Variants in EDNRB observed in about 807,000 individuals in gnomAD.
EDNRB encodes the protein endothelin receptor type B.
Under a neutral mutation model 46.4 loss-of-function variants are expected in EDNRB, and 18 were observed. The observed-to-expected ratio is 0.39, with a 90% CI of 0.27 to 0.57. The LOEUF is 0.57. Ranked by LOEUF, EDNRB falls within the 20% of genes least tolerant of loss-of-function variation. The pLI is 0.61. For synonymous variants in EDNRB, 213 were observed against 204.9 expected, an observed-to-expected ratio of 1.04 and a Z score of -0.34; for missense variants, 434 against 537.5, an observed-to-expected ratio of 0.81 and a Z score of 1.90.
chr13:77,909,058 C>A (rs1879436886), intron 1 of EDNRB, among the ~76,000 whole-genome samples: 1 of 151,860 alleles, frequency 6.6e-6, no homozygotes, highest in South Asian at 2.1e-4. Flanking sequence ...ACCCATTTTA[C>A]CCTAAGGCTT....
Position 77,899,933 on chromosome 13 carries a change from T to C in EDNRB, c.1120A>G (p.Met374Val). 1 of 1,611,958 alleles carries C rather than the reference T, an allele frequency of 6.2e-7. No homozygotes were observed. Among genetic ancestry groups the C allele is most frequent in the Non-Finnish European group, 8.5e-7 (1 of 1,178,722 alleles). Reference protein sequence around the residue: ...LLVLDYIGINMASLNSCINPI... With the variant: ...LLVLDYIGINVASLNSCINPI... ...TTAATGCAGGAATTCAGTGAAGCCA[T>C]GTTGATACCAATATAGTCCAATACC... Residue 374 changes from methionine to valine, a missense_variant, in exon 6 of 7, where the codon ATG (methionine) becomes GTG (valine). Coordinates refer to ENST00000646607, the MANE Select transcript of EDNRB (RefSeq NM_001122659.3).
chr13:77,938,501 AC>A (rs1594385871), intron 1 of EDNRB, among the ~76,000 whole-genome samples: 1 of 151,634 alleles, frequency 6.6e-6, no homozygotes, highest in Non-Finnish European at 1.5e-5. Flanking sequence ...GGGGGTTCTT[AC>A]CCCCCAGAAA....
intron 1 of EDNRB, chr13:77,947,621 A>G (rs1302319784): frequency 6.6e-6 from 1 of 151,924 alleles, no homozygotes; most frequent in Non-Finnish European, 1.5e-5. Flanking sequence ...TCCTTAGGCA[A>G]TCTCCTGGGG....
chr13:77,930,179 A>G (rs1566323568), intron 1 of EDNRB, among the ~76,000 whole-genome samples: 1 of 152,186 alleles, frequency 6.6e-6, no homozygotes, highest in Non-Finnish European at 1.5e-5. Flanking sequence ...TTGTTGGTTT[A>G]CTGGTCTGCA....
chr13:77,948,217 T>G lies in EDNRB; in HGVS notation c.-52+27130A>C, dbSNP rs143492384. Among the ~76,000 whole-genome samples the G allele has an allele frequency of 1.1e-4, 17 of 152,340 alleles. 1 individual carries two copies. Among genetic ancestry groups the G allele is most frequent in the African/African-American group, 2.9e-4 (12 of 41,592 alleles). On this transcript the variant is annotated intron_variant, in intron 1 of 7. Coordinates refer to the EDNRB transcript ENST00000646948. ...AGATTTACTTTTGATTGAACTAGAT[T>G]TCCTTGGGGATCAAATAGGAATTTT...
chr13:77,940,029 A>T (rs912080415), intron 1 of EDNRB: 34 of 148,266 alleles, frequency 2.3e-4, no homozygotes, highest in African/African-American at 8.4e-4. Flanking sequence ...TAAATAAAAT[A>T]AAAATAAAAA....
At chr13:77,936,502 G>A (rs1011324018) in intron 1 of EDNRB, among the ~76,000 whole-genome samples, 3 of 152,136 alleles carry the variant, frequency 2.0e-5, no homozygotes, top group South Asian at 2.1e-4. Context: ...TAAGAAGGGG[G>A]CGGACTTATC....
chr13:77,960,202 C>T (rs1002225096), intron 1 of EDNRB, among the ~76,000 whole-genome samples: 29 of 152,110 alleles, frequency 1.9e-4, no homozygotes, highest in African/African-American at 2.9e-4. Flanking sequence ...CAAAGATACT[C>T]CTCGAGAAGA....
intron 1 of EDNRB, among the ~76,000 whole-genome samples, chr13:77,960,626 C>T (rs954440385): frequency 6.6e-6 from 1 of 152,168 alleles, no homozygotes; most frequent in Admixed American, 6.5e-5. Context: ...GAAACTGCAT[C>T]AACTAATGAG....
Position 77,896,006 on chromosome 13 carries a change from G to A in EDNRB, c.*2194C>T, listed in dbSNP as rs1594351601. 1.3e-5 allele frequency: 2 copies of A among 152,936 alleles called. No individual in the cohort carries two copies. Among genetic ancestry groups the A allele is most frequent in the East Asian group, 1.9e-4 (1 of 5,234 alleles). The allele number at this position is 152,936 out of a possible 1,614,324, so 9.5% of individuals were successfully genotyped here. A position where few individuals can be genotyped will look rare whatever the true frequency, so the allele number is the denominator to read the frequency against. Reference sequence around the variant, plus strand: ...TAGGAAACATGTTTTGAAGTTGAACGATAGCACCTTTTTCTATCTTGGTTT... The same window carrying A: ...TAGGAAACATGTTTTGAAGTTGAACAATAGCACCTTTTTCTATCTTGGTTT... On this transcript the variant is annotated 3_prime_UTR_variant, in exon 7 of 7. Coordinates refer to ENST00000646607, the MANE Select transcript of EDNRB (RefSeq NM_001122659.3).
chr13:77,942,008 G>T (rs1880763005), intron 1 of EDNRB, among the ~76,000 whole-genome samples: 1 of 152,162 alleles, frequency 6.6e-6, no homozygotes, highest in South Asian at 2.1e-4. Context: ...ATGCTGACCT[G>T]CAAATGTTCT....
At chr13:77,974,670 A>G (rs1881834242) in intron 1 of EDNRB, among the ~76,000 whole-genome samples, 1 of 151,200 alleles carries the variant, frequency 6.6e-6, no homozygotes, top group African/African-American at 2.4e-5. Context: ...AATTCTCTCA[A>G]CCACTGTGAA....
chr13:77,954,178 A>G (rs951813059), intron 1 of EDNRB, among the ~76,000 whole-genome samples: 5 of 152,206 alleles, frequency 3.3e-5, no homozygotes, highest in African/African-American at 1.2e-4. Flanking sequence ...TTTTAAGTAC[A>G]TAAGACCTTT....
At chr13:77,900,763 T>C (rs1245965979) in intron 4 of EDNRB, 109 bp from the exon 5 acceptor site, 1 of 1,497,108 alleles carries the variant, frequency 6.7e-7, no homozygotes, top group Non-Finnish European at 9.1e-7. Context: ...GTGGCATATG[T>C]AAAAACTCAG....
Position 77,940,700 on chromosome 13 carries a change from G to GGTGTGTGT in EDNRB, c.-51-22084_-51-22077dup, listed in dbSNP as rs6145134. Among the ~76,000 whole-genome samples, 1,207 of 149,160 alleles carry GGTGTGTGT rather than the reference G, an allele frequency of 8.1e-3. 16 individuals are homozygous for GGTGTGTGT. The highest frequency in any genetic ancestry group is 0.027 in the African/African-American group (1,088 of 40,462). On this transcript the variant is annotated intron_variant, in intron 1 of 7. Transcript: ENST00000646948. ...TCAAAGCCAAGGAAAAGATGAATTG[G>GGTGTGTGT]GTGTGTGTGTGTGTGTGTGTGTGTG... is the stretch of plus-strand genomic sequence containing the variant.
intron 1 of EDNRB, among the ~76,000 whole-genome samples, chr13:77,961,352 C>A (rs1881405994): frequency 6.6e-6 from 1 of 151,938 alleles, no homozygotes; most frequent in African/African-American, 2.4e-5. Flanking sequence ...ATACTTTCTT[C>A]TCAGCACCAC....
intron 1 of EDNRB, among the ~76,000 whole-genome samples, chr13:77,904,867 A>C (rs986518414): frequency 6.6e-6 from 1 of 152,020 alleles, no homozygotes; most frequent in Non-Finnish European, 1.5e-5. Flanking sequence ...ATTTTGAGAC[A>C]CAATGGAGTC....
At chr13:77,968,270 G>A (rs79218321) in intron 1 of EDNRB, among the ~76,000 whole-genome samples, 3,597 of 152,058 alleles carry the variant, frequency 0.024, 139 homozygotes, top group African/African-American at 0.081. Context: ...GGTTGTAGAG[G>A]AAGAGATGCT....
At position 77,918,593 on chromosome 13, in the gene EDNRB, G is replaced by A; in HGVS notation, c.-20C>T. 1.3e-6 allele frequency: 2 copies of A among 1,574,902 alleles called. No individual in the cohort carries two copies. The highest frequency in any genetic ancestry group is 1.7e-6 in the Non-Finnish European group (2 of 1,168,950). ...CTGCATGCTGCTACCTGCTCCAGAAGGCGTCCGGTGGCCGCTCCGCAGTTT... is the reference window on the plus strand; with the variant it reads ...CTGCATGCTGCTACCTGCTCCAGAAAGCGTCCGGTGGCCGCTCCGCAGTTT... On this transcript the variant is annotated 5_prime_UTR_variant, in exon 1 of 7. Coordinates refer to ENST00000646607, the MANE Select transcript of EDNRB (RefSeq NM_001122659.3). This position sits in a 1 kb window ranked among gnomAD's most constrained non-coding sequence, Gnocchi z 4.5.
Sources: allele counts gnomAD v4.1 joint callset (sites outside exome capture counted in the v4.1 genomes callset), GRCh38; gene constraint gnomAD v4.1.1; non-coding constraint Gnocchi (gnomAD v3.1); transcripts MANE v1.5; gene names NCBI Gene and HGNC (gene_info 2026-07-23, HGNC 2026-07-21).